Variants in PEX14 observed in about 807,000 individuals in gnomAD.
PEX14 encodes the protein peroxisomal biogenesis factor 14.
In PEX14, 15 loss-of-function variants were observed where a neutral mutation model predicts 49.5. The observed-to-expected ratio is 0.30, with a 90% CI of 0.20 to 0.47. The LOEUF (loss-of-function observed/expected upper bound fraction) is 0.47, where lower values mean the gene tolerates loss of function less well. PEX14 is among the 20% of genes least tolerant of loss of function. PEX14 has a pLI of 1.00. For synonymous variants in PEX14, 210 were observed against 212.7 expected, an observed-to-expected ratio of 0.99 and a Z score of 0.11; for missense variants, 398 against 494.8, an observed-to-expected ratio of 0.80 and a Z score of 1.86.
intron 4 of PEX14, among the ~76,000 whole-genome samples, chr1:10,602,071 G>T (rs1039669724): frequency 6.6e-6 from 1 of 152,170 alleles, no homozygotes; most frequent in African/African-American, 2.4e-5. Context: ...TAAACTGTTA[G>T]TCTTTCTGAA....
At chr1:10,544,426 G>T (rs1404299997) in intron 3 of PEX14, among the ~76,000 whole-genome samples, 1 of 152,164 alleles carries the variant, frequency 6.6e-6, no homozygotes, top group East Asian at 1.9e-4. Flanking sequence ...CCACAGACAT[G>T]GCAGAAGAAA....
intron 8 of PEX14, among the ~76,000 whole-genome samples, chr1:10,627,824 T>G (rs1641794415): frequency 6.6e-6 from 1 of 152,278 alleles, no homozygotes; most frequent in African/African-American, 2.4e-5. Context: ...GCTTCTTGGT[T>G]GTCCCCCTGT....
intron 3 of PEX14, among the ~76,000 whole-genome samples, chr1:10,538,172 A>G (rs1005360614): frequency 6.6e-6 from 1 of 152,230 alleles, no homozygotes; most frequent in African/African-American, 2.4e-5. Flanking sequence ...CGCCATGGAT[A>G]CTGATGAATG....
intron 3 of PEX14, among the ~76,000 whole-genome samples, chr1:10,589,628 G>T (rs1173717057): frequency 6.6e-6 from 1 of 152,034 alleles, no homozygotes. Context: ...GCCCAGGCTG[G>T]TCTCAAACTC....
intron 2 of PEX14, among the ~76,000 whole-genome samples, chr1:10,533,607 C>G (rs1638711890): frequency 6.6e-6 from 1 of 152,178 alleles, no homozygotes. Context: ...ACAGAGCACT[C>G]CATCATTCCC....
At chr1:10,528,743 T>C (rs2124468523) in intron 2 of PEX14, among the ~76,000 whole-genome samples, 1 of 152,338 alleles carries the variant, frequency 6.6e-6, no homozygotes, top group South Asian at 2.1e-4. Context: ...TGTTAAGGAA[T>C]TGAACTACTT....
chr1:10,592,982 A>G lies in PEX14; in HGVS notation c.170-6256A>G, dbSNP rs998508107. On this transcript the variant is annotated intron_variant, in intron 3 of 8. Transcript: ENST00000356607. Reference sequence around the variant, plus strand: ...TTGCCTCTTCTGTTGACATTAGGAAAGCAGACCTGCCTTCTCTTTAGGCTT... The same window carrying G: ...TTGCCTCTTCTGTTGACATTAGGAAGGCAGACCTGCCTTCTCTTTAGGCTT... Among the ~76,000 whole-genome samples the G allele has an allele frequency of 2.6e-5, 4 of 152,308 alleles. No homozygotes were observed. In the East Asian group the frequency reaches 7.7e-4, roughly 29 times the overall value.
chr1:10,569,876 G>A (rs561563784), intron 3 of PEX14, among the ~76,000 whole-genome samples: 6 of 152,062 alleles, frequency 3.9e-5, no homozygotes, highest in African/African-American at 9.6e-5. Flanking sequence ...AAGCTTTACC[G>A]CTTGTCTTTA....
chr1:10,607,098 A>G (rs770491338), intron 4 of PEX14, among the ~76,000 whole-genome samples: 1 of 151,728 alleles, frequency 6.6e-6, no homozygotes, highest in African/African-American at 2.4e-5. Flanking sequence ...TCTTTCCTAG[A>G]GTTTTTTTTC....
intron 2 of PEX14, among the ~76,000 whole-genome samples, chr1:10,504,219 C>G (rs976400984): frequency 6.6e-6 from 1 of 152,136 alleles, no homozygotes; most frequent in Admixed American, 6.5e-5. Flanking sequence ...CCTCCCAGCT[C>G]TCCTTTCTTT....
chr1:10,509,704 A>G (rs1641850791), intron 2 of PEX14, among the ~76,000 whole-genome samples: 1 of 152,106 alleles, frequency 6.6e-6, no homozygotes, highest in African/African-American at 2.4e-5. Flanking sequence ...TTTAATGTAC[A>G]ATTGATTTTT....
At chr1:10,508,169 G>C (rs1369884554) in intron 2 of PEX14, among the ~76,000 whole-genome samples, 1 of 151,968 alleles carries the variant, frequency 6.6e-6, no homozygotes, top group Non-Finnish European at 1.5e-5. Flanking sequence ...AGAAACACAT[G>C]AAGGGGAACA....
chr1:10,563,560 G>A (rs1161272293), intron 3 of PEX14, among the ~76,000 whole-genome samples: 1 of 152,178 alleles, frequency 6.6e-6, no homozygotes, highest in Non-Finnish European at 1.5e-5. Flanking sequence ...GGGAGGCGGA[G>A]GTTGCTGTGA....
intron 3 of PEX14, among the ~76,000 whole-genome samples, chr1:10,569,252 GCTTT>G (rs1181924048): frequency 6.6e-6 from 1 of 152,112 alleles, no homozygotes; most frequent in South Asian, 2.1e-4. Flanking sequence ...TGATAGTTGT[GCTTT>G]CTCTTTTGTA....
At chr1:10,510,797 C>T (rs1447888359) in intron 2 of PEX14, among the ~76,000 whole-genome samples, 2 of 152,148 alleles carry the variant, frequency 1.3e-5, no homozygotes, top group African/African-American at 2.4e-5. Context: ...TGGCGTCCTG[C>T]TAGGAACTTA....
intron 7 of PEX14, among the ~76,000 whole-genome samples, chr1:10,625,125 C>T (rs541520376): frequency 2.8e-4 from 43 of 152,336 alleles, no homozygotes; most frequent in Non-Finnish European, 4.3e-4. Context: ...GGAGCCATAA[C>T]GGCACCTAAT....
chr1:10,588,803 C>T (rs1019434343), intron 3 of PEX14, among the ~76,000 whole-genome samples: 18 of 152,032 alleles, frequency 1.2e-4, no homozygotes, highest in Admixed American at 1.1e-3. Flanking sequence ...CAAAGAGAAG[C>T]CGTAAAGTGC....
chr1:10,535,154 T>C (rs2480780), intron 2 of PEX14, among the ~76,000 whole-genome samples: 124,278 of 152,114 alleles, frequency 0.82, 50,888 homozygotes, highest in Non-Finnish European at 0.83. Flanking sequence ...TTTGATGAGG[T>C]GAATAATAGC....
At chr1:10,569,711 G>A (rs1639915998) in intron 3 of PEX14, among the ~76,000 whole-genome samples, 1 of 152,022 alleles carries the variant, frequency 6.6e-6, no homozygotes, top group Non-Finnish European at 1.5e-5. Context: ...TCATCTTTAG[G>A]TTGGCTGGGT....
Sources: gnomAD v4.1 joint callset for allele counts (sites outside exome capture counted in the v4.1 genomes callset) on GRCh38, gnomAD v4.1.1 for gene constraint, MANE v1.5 for transcripts, NCBI Gene and HGNC (gene_info 2026-07-23, HGNC 2026-07-21) for gene names.